The following RNF150 variants were observed in gnomAD, a reference collection of about 807,000 sequenced individuals.
RNF150 encodes the protein ring finger protein 150.
In RNF150, 24 loss-of-function variants were observed where a neutral mutation model predicts 39.3. The ratio of observed to expected loss-of-function variants is 0.61; its 90% CI spans 0.44 to 0.86. The LOEUF (loss-of-function observed/expected upper bound fraction) is 0.86. Among genes scored for constraint, RNF150 ranks in the 40% least tolerant of loss-of-function variants. The pLI is 0.00. For missense variants in RNF150, 502 were observed against 587.8 expected (o/e 0.85, Z 1.51); for synonymous variants, 255 against 227.3 (o/e 1.12, Z -1.10).
intron 1 of RNF150, among the ~76,000 whole-genome samples, chr4:141,115,843 C>T (rs1489822380): frequency 6.6e-6 from 1 of 152,136 alleles, no homozygotes. Context: ...TACCACACAT[C>T]GACAACCATC....
chr4:141,050,375 C>T (rs1289248682), intron 1 of RNF150, among the ~76,000 whole-genome samples: 1 of 152,190 alleles, frequency 6.6e-6, no homozygotes, highest in Non-Finnish European at 1.5e-5. Flanking sequence ...ATCATGCCTT[C>T]CCAACAGTCT....
rs769151026 is a variant in RNF150 at position 141,132,474 on chromosome 4, G to A, written c.335C>T (p.Thr112Ile). The A allele has an allele frequency of 5.6e-6, 9 of 1,609,280 alleles. No homozygotes were observed. The South Asian group carries it at 8.9e-5, about 16-fold the overall frequency. Residue 112 changes from threonine (T) to isoleucine (I), a missense_variant, in exon 1 of 7, where the codon ACC (threonine) becomes ATC (isoleucine). Coordinates refer to ENST00000515673, the MANE Select transcript of RNF150 (RefSeq NM_020724.2). This position sits in a 1 kb window ranked among gnomAD's most constrained non-coding sequence, Gnocchi z 4.9. ...GAGGGCTATCCAGTTCTTGCCGCGGGTCGGGGCGGCGAACTTGGTGTTGGG... is the reference window on the plus strand; with the variant it reads ...GAGGGCTATCCAGTTCTTGCCGCGGATCGGGGCGGCGAACTTGGTGTTGGG... ...CDPNTKFAAPTRGKNWIALIP... is the reference protein window; with the variant it reads ...CDPNTKFAAPIRGKNWIALIP...
intron 1 of RNF150, among the ~76,000 whole-genome samples, chr4:141,123,884 T>TC (rs929903564): frequency 6.6e-6 from 1 of 152,232 alleles, no homozygotes; most frequent in African/African-American, 2.4e-5. Flanking sequence ...CAAGAACTCA[T>TC]CCTTTTTTAT....
intron 1 of RNF150, among the ~76,000 whole-genome samples, chr4:141,197,187 A>G (rs1363939777): frequency 6.6e-6 from 1 of 152,176 alleles, no homozygotes; most frequent in African/African-American, 2.4e-5. Flanking sequence ...ATTTTAGTGA[A>G]TTCAGAATTA....
rs747161811 is a variant in RNF150, at chr4:141,170,679, G to A, written c.-6+42115C>T. Among the ~76,000 whole-genome samples the A allele has an allele frequency of 9.9e-5, 15 of 152,152 alleles. No individual in the cohort carries two copies. In the South Asian group the frequency reaches 1.0e-3, roughly 11 times the overall value. ...ACATCCATTATAGTGGAAGTCTACC[G>A]TTCAGAGATATTAAAACGGCCAATA... On this transcript the variant is annotated intron_variant, in intron 1 of 7. Coordinates refer to the RNF150 transcript ENST00000420921.
At chr4:140,970,307 A>AT (rs1398411334) in intron 1 of RNF150, among the ~76,000 whole-genome samples, 1 of 152,076 alleles carries the variant, frequency 6.6e-6, no homozygotes, top group Non-Finnish European at 1.5e-5. Context: ...TTAGGATGCA[A>AT]TTTTTTCCCC....
rs1726931593 is a variant in RNF150, at chr4:141,132,664, C to G, written c.145G>C (p.Ala49Pro). The G allele has an allele frequency of 1.9e-6, 3 of 1,606,684 alleles. No homozygotes were observed. Among genetic ancestry groups the G allele is most frequent in the East Asian group, 4.5e-5 (2 of 44,120 alleles). ...WYTAFVNITY[A>P]EPAPDPGAGA... The stretch of plus-strand genomic sequence containing the variant: ...GCCCCGGGGTCCGGCGCGGGCTCGG[C>G]GTAGGTGATGTTCACGAAGGCGGTG... The change falls in exon 1 of 7, where the codon GCC becomes CCC. Residue 49 changes from alanine (A) to proline (P), a missense_variant. Physicochemically the swap from Ala to Pro is conservative, Grantham distance 27. Transcript: ENST00000515673. The surrounding 1 kb of genome is among the most constrained non-coding windows in gnomAD (Gnocchi z 4.9).
chr4:140,990,696 A>G (rs1734165447), intron 1 of RNF150, among the ~76,000 whole-genome samples: 1 of 152,188 alleles, frequency 6.6e-6, no homozygotes, highest in African/African-American at 2.4e-5. Flanking sequence ...ATAGTATTCC[A>G]TGGTGTATAT....
rs780796889 is a variant in RNF150 at position 140,911,192 on chromosome 4, C to A, written c.1150G>T (p.Asp384Tyr). 8 of 1,614,126 alleles carry A rather than the reference C, an allele frequency of 5.0e-6. No homozygotes were observed. The highest frequency in any genetic ancestry group is 6.8e-6 in the Non-Finnish European group (8 of 1,180,018). Residue 384 changes from aspartate to tyrosine, a missense_variant, in exon 6 of 7, where the codon GAT (aspartate) becomes TAT (tyrosine). By Grantham distance (160) the Asp-to-Tyr change is radical. Coordinates refer to ENST00000515673, the MANE Select transcript of RNF150 (RefSeq NM_020724.2). ...RTVGALQVVQ[D>Y]TDPIPQEGDV... The stretch of plus-strand genomic sequence containing the variant: ...CCCTCCTGGGGGATGGGGTCTGTAT[C>A]CTGGACCACCTGCAAGGCTCCCACA...
chr4:141,057,377 T>C (rs1737022708), intron 1 of RNF150, among the ~76,000 whole-genome samples: 1 of 152,046 alleles, frequency 6.6e-6, no homozygotes, highest in South Asian at 2.1e-4. Context: ...TAGAAAGCTA[T>C]CAGCAAAAAG....
chr4:141,013,522 G>A (rs1437176813), intron 1 of RNF150, among the ~76,000 whole-genome samples: 1 of 152,090 alleles, frequency 6.6e-6, no homozygotes, highest in African/African-American at 2.4e-5. Flanking sequence ...TCCAAAGAGT[G>A]GCTCTTCTAA....
chr4:141,009,465 C>T (rs1431494167), intron 1 of RNF150, among the ~76,000 whole-genome samples: 1 of 152,144 alleles, frequency 6.6e-6, no homozygotes, highest in Non-Finnish European at 1.5e-5. Flanking sequence ...TGTGTGTTGT[C>T]TCCATCTTGT....
chr4:141,172,328 T>C (rs1048171447), intron 1 of RNF150, among the ~76,000 whole-genome samples: 6 of 152,056 alleles, frequency 3.9e-5, no homozygotes, highest in African/African-American at 1.4e-4. Context: ...TTTCTCTACA[T>C]GTCATTAGCC....
At chr4:141,131,198 C>T (rs930500904) in intron 1 of RNF150, among the ~76,000 whole-genome samples, 4 of 152,242 alleles carry the variant, frequency 2.6e-5, no homozygotes. Context: ...CTTGGTGTTC[C>T]ATTTCAGCAG....
intron 1 of RNF150, among the ~76,000 whole-genome samples, chr4:141,172,289 C>T (rs1213277953): frequency 6.6e-6 from 1 of 152,120 alleles, no homozygotes; most frequent in Non-Finnish European, 1.5e-5. Context: ...GATCTCTTAC[C>T]ACCTAAGCTT....
At chr4:140,965,792 T>A (rs1733216394) in intron 2 of RNF150, among the ~76,000 whole-genome samples, 1 of 151,978 alleles carries the variant, frequency 6.6e-6, no homozygotes. Context: ...GGTCAAAGGA[T>A]ACAAAGTAGC....
chr4:141,111,208 T>C (rs1716192659), intron 1 of RNF150, among the ~76,000 whole-genome samples: 1 of 152,032 alleles, frequency 6.6e-6, no homozygotes, highest in Non-Finnish European at 1.5e-5. Flanking sequence ...GCTAAGTGAG[T>C]TTTCCTCCCA....
In RNF150 at chr4:141,179,963, C is replaced by T. The variant is rs533210205; in HGVS notation, c.-6+32831G>A. Among the ~76,000 whole-genome samples the T allele has an allele frequency of 6.6e-5, 10 of 152,298 alleles. 1 individual carries two copies. In the East Asian group the frequency reaches 9.6e-4, roughly 15 times the overall value. ...CCAAGAAACCTTTGCTTGGCTCTCC[C>T]GTTACCTCTGGTAACCATCCAATTA... On this transcript the variant is annotated intron_variant, in intron 1 of 7. Coordinates refer to the RNF150 transcript ENST00000420921.
chr4:140,872,981 AG>A (rs1286456701), intron 6 of RNF150, among the ~76,000 whole-genome samples: 1 of 152,152 alleles, frequency 6.6e-6, no homozygotes, highest in Non-Finnish European at 1.5e-5. Flanking sequence ...TTGTTTTAAT[AG>A]GAAGTGATTG....
Sources: allele counts gnomAD v4.1 joint callset (sites outside exome capture counted in the v4.1 genomes callset), GRCh38; gene constraint gnomAD v4.1.1; non-coding constraint Gnocchi (gnomAD v3.1); transcripts MANE v1.5; gene names NCBI Gene and HGNC (gene_info 2026-07-23, HGNC 2026-07-21).